The following MS4A13 variants were observed in gnomAD, a reference collection of about 807,000 sequenced individuals.
The protein encoded by MS4A13 is membrane spanning 4-domains A13, also known as membrane-spanning 4-domains subfamily A member 13.
In MS4A13, 21 loss-of-function variants were observed where a neutral mutation model predicts 18.4. That is an observed-to-expected ratio of 1.14 (90% CI 0.81 to 1.64). The LOEUF (loss-of-function observed/expected upper bound fraction) is 1.64, where lower values mean the gene tolerates loss of function less well. Among genes scored for constraint, MS4A13 ranks in the 40% most tolerant of loss-of-function variants. The probability of loss-of-function intolerance (pLI) is 0.00; values close to 1 mark genes in which losing one functional copy is unlikely to be tolerated. For synonymous variants in MS4A13, 62 were observed against 57.2 expected (o/e 1.08, Z -0.38); for missense variants, 173 against 176.8 (o/e 0.98, Z 0.12).
chr11:60,532,476 C>T (rs34248112), intron 6 of MS4A13, among the ~76,000 whole-genome samples: 1,957 of 152,354 alleles, frequency 0.013, 17 homozygotes, highest in Non-Finnish European at 0.02. Flanking sequence ...GCTCAAAAAA[C>T]GGCGCACCAG....
intron 6 of MS4A13, among the ~76,000 whole-genome samples, chr11:60,532,137 G>T (rs865983553): frequency 7.2e-5 from 11 of 152,192 alleles, no homozygotes; most frequent in African/African-American, 2.2e-4. Flanking sequence ...ACAAAGAAAG[G>T]CTTCAAAAAT....
At chr11:60,542,743 A>G, downstream of MS4A13, 1 of 465,414 alleles carries the variant, frequency 2.1e-6, no homozygotes, top group Non-Finnish European at 3.9e-6. Context: ...ATATTTTTCT[A>G]GGCTGCAAGG....
rs139505260 is a variant in MS4A13, at chr11:60,521,543, A to G, written c.130-2354A>G. Among the ~76,000 whole-genome samples the G allele has an allele frequency of 9.7e-3, 1,481 of 152,334 alleles. 26 individuals carry two copies. Among genetic ancestry groups the G allele is most frequent in the African/African-American group, 0.033 (1,369 of 41,586 alleles). On this transcript the variant is annotated intron_variant, in intron 3 of 6. Transcript: ENST00000378186. Reference sequence around the variant, plus strand: ...GAAAAATGCCACCAGTCTCTTTGCTAAAACATAACAAGAGTCACCTTGCTC... The same window carrying G: ...GAAAAATGCCACCAGTCTCTTTGCTGAAACATAACAAGAGTCACCTTGCTC...
chr11:60,520,377 C>T (rs1217611987), intron 3 of MS4A13, among the ~76,000 whole-genome samples: 5 of 152,310 alleles, frequency 3.3e-5, no homozygotes, highest in Non-Finnish European at 1.5e-5. Flanking sequence ...TCCAAAGTCT[C>T]ATCTGAGACA....
At chr11:60,541,626 T>C (rs931934201) in intron 6 of MS4A13, among the ~76,000 whole-genome samples, 1 of 152,082 alleles carries the variant, frequency 6.6e-6, no homozygotes, top group African/African-American at 2.4e-5. Flanking sequence ...ATTGACCTTA[T>C]CTAAAAGTCA....
At chr11:60,528,925 C>T (rs974041105) in intron 5 of MS4A13, among the ~76,000 whole-genome samples, 1 of 151,940 alleles carries the variant, frequency 6.6e-6, no homozygotes, top group Admixed American at 6.6e-5. Context: ...GTTTTATCAC[C>T]ATGTATGTAA....
chr11:60,540,929 TG>T (rs2086852001), intron 6 of MS4A13, among the ~76,000 whole-genome samples: 2 of 143,052 alleles, frequency 1.4e-5, no homozygotes, highest in African/African-American at 5.3e-5. Flanking sequence ...TACCCCAGTG[TG>T]GGTGACAGAG....
intron 6 of MS4A13, among the ~76,000 whole-genome samples, chr11:60,538,257 G>T (rs2086826081): frequency 6.6e-6 from 1 of 151,820 alleles, no homozygotes; most frequent in Non-Finnish European, 1.5e-5. Context: ...CAGAGGCTGG[G>T]GGCCGATGGG....
chr11:60,517,863 C>T (rs182420913), intron 2 of MS4A13, among the ~76,000 whole-genome samples: 2 of 152,252 alleles, frequency 1.3e-5, no homozygotes, highest in Admixed American at 1.3e-4. Context: ...CTGTTGCTTT[C>T]AGTATGACTG....
chr11:60,530,699 G>A lies in MS4A13; in HGVS notation c.402+1239G>A, dbSNP rs183099924. 5.1e-3 allele frequency among the ~76,000 whole-genome samples: 781 copies of A among 152,248 alleles called. 30 individuals carry two copies. The highest frequency in any genetic ancestry group is 0.044 in the Admixed American group (666 of 15,288). The stretch of plus-strand genomic sequence containing the variant: ...TGTTCCCACTCTTCCCACCTGATAT[G>A]GTTAGGCTTTGTGTCCCCACCCAAA... On this transcript the variant is annotated intron_variant, in intron 6 of 6. Coordinates refer to ENST00000378186, the MANE Select transcript of MS4A13 (RefSeq NM_001012417.3).
At position 60,523,918 on chromosome 11, in the gene MS4A13, C is replaced by T; in HGVS notation, c.151C>T (p.Leu51=). 1 of 1,542,416 alleles carries T rather than the reference C, an allele frequency of 6.5e-7. No individual in the cohort carries two copies. Among genetic ancestry groups the T allele is most frequent in the Non-Finnish European group, 9.0e-7 (1 of 1,115,496 alleles). The stretch of plus-strand genomic sequence containing the variant: ...CCAGTTTATCATTGCAGGAGTCTTC[C>T]TAATAAGAGTAACAAAGTATCCGAC... The part of the protein sequence containing the change: ...GIFFIIAGVF[L]IRVTKYPTRS... The change falls in exon 4 of 7, where the codon CTA becomes TTA. Residue 51 remains leucine, a synonymous_variant. Transcript: ENST00000378186.
At chr11:60,533,452 C>T (rs1399020353) in intron 6 of MS4A13, among the ~76,000 whole-genome samples, 50 of 100,936 alleles carry the variant, frequency 5.0e-4, no homozygotes, top group South Asian at 8.8e-4. Context: ...TGAAATGAAG[C>T]GAGAAGGGAA....
chr11:60,531,171 A>G (rs2086763666), intron 6 of MS4A13, among the ~76,000 whole-genome samples: 1 of 152,146 alleles, frequency 6.6e-6, no homozygotes, highest in Non-Finnish European at 1.5e-5. Flanking sequence ...TTTGGAACAG[A>G]GCTCAGAAAG....
At chr11:60,522,234 A>ATATATATATATATATATC (rs1402742805) in intron 3 of MS4A13, among the ~76,000 whole-genome samples, 1 of 108,694 alleles carries the variant, frequency 9.2e-6, no homozygotes, top group South Asian at 2.9e-4. Context: ...ATAGATAGAT[A>ATATATATATATATATATC]GATAGATGTA....
chr11:60,524,958 C>A (rs2086703561), intron 4 of MS4A13, among the ~76,000 whole-genome samples: 1 of 152,074 alleles, frequency 6.6e-6, no homozygotes, highest in African/African-American at 2.4e-5. Context: ...CTGCGCCCGG[C>A]CCCAAAAAAT....
chr11:60,520,456 G>C (rs1049664064), intron 3 of MS4A13, among the ~76,000 whole-genome samples: 2 of 152,166 alleles, frequency 1.3e-5, no homozygotes, highest in Non-Finnish European at 2.9e-5. Context: ...AGATACAATG[G>C]GGGTACAGGC....
In MS4A13 at chr11:60,515,508, C is replaced by A. The variant is rs1047309856; in HGVS notation, c.-228C>A. 2 of 152,346 alleles carry A rather than the reference C, an allele frequency of 1.3e-5. No homozygotes were observed. The highest frequency in any genetic ancestry group is 4.8e-5 in the African/African-American group (2 of 41,476). The allele number at this position is 152,346 out of a possible 1,614,324, so 9.4% of individuals were successfully genotyped here. A position where few individuals can be genotyped will look rare whatever the true frequency, so the allele number is the denominator to read the frequency against. On this transcript the variant is annotated 5_prime_UTR_variant, in exon 1 of 7. Coordinates refer to ENST00000378186, the MANE Select transcript of MS4A13 (RefSeq NM_001012417.3). ...TGAGCGCGTTGCCAGCCGGGATCTT[C>A]CTCTTCATCTAGGCCTGGGCGCTGG...
chr11:60,542,283 AAG>A (rs961994841), intron 6 of MS4A13, among the ~76,000 whole-genome samples: 8 of 150,112 alleles, frequency 5.3e-5, no homozygotes, highest in African/African-American at 1.5e-4. Flanking sequence ...GAAAGAAAGA[AAG>A]AGAAAGAAAG....
At chr11:60,538,823 C>T in intron 6 of MS4A13, among the ~76,000 whole-genome samples, 1 of 135,452 alleles carries the variant, frequency 7.4e-6, no homozygotes, top group East Asian at 2.0e-4. Flanking sequence ...TTTTATCTGG[C>T]TGATGGCAGA....
Sources: gnomAD v4.1 joint callset for allele counts (sites outside exome capture counted in the v4.1 genomes callset) on GRCh38, gnomAD v4.1.1 for gene constraint, MANE v1.5 for transcripts, NCBI Gene and HGNC (gene_info 2026-07-23, HGNC 2026-07-21) for gene names.